The following SCN1A variants were observed in gnomAD, a reference collection of about 807,000 sequenced individuals.
SCN1A encodes sodium channel protein type 1 subunit alpha.
Under a neutral mutation model 193.7 loss-of-function variants are expected in SCN1A, and 13 were observed. That is an observed-to-expected ratio of 0.07 (90% CI 0.04 to 0.11). The LOEUF (loss-of-function observed/expected upper bound fraction) is 0.11. Among genes scored for constraint, SCN1A ranks in the 10% least tolerant of loss-of-function variants. SCN1A has a pLI of 1.00. For synonymous variants in SCN1A, 781 were observed against 843.6 expected, an observed-to-expected ratio of 0.93 and a Z score of 1.29; for missense variants, 1,432 against 2,451.1, an observed-to-expected ratio of 0.58 and a Z score of 8.78.
At chr2:166,108,798 G>A (rs541661516) in intron 2 of SCN1A, among the ~76,000 whole-genome samples, 37 of 152,232 alleles carry the variant, frequency 2.4e-4, no homozygotes, top group African/African-American at 8.4e-4. Context: ...CTAGGACTGG[G>A]AGTGGGAATA....
intron 2 of SCN1A, among the ~76,000 whole-genome samples, chr2:166,125,429 G>T (rs1013020808): frequency 2.0e-5 from 3 of 152,178 alleles, no homozygotes; most frequent in Non-Finnish European, 4.4e-5. Context: ...GGATGCTTTT[G>T]TGTGTCACTG....
At chr2:166,005,631 ATGTAT>A (rs1691552403) in intron 23 of SCN1A, among the ~76,000 whole-genome samples, 1 of 151,406 alleles carries the variant, frequency 6.6e-6, no homozygotes, top group African/African-American at 2.4e-5. Context: ...CATATTTATG[ATGTAT>A]TAAATTAGAC....
At chr2:166,062,095 C>T (rs1221443695) in intron 4 of SCN1A, among the ~76,000 whole-genome samples, 1 of 152,122 alleles carries the variant, frequency 6.6e-6, no homozygotes, top group Non-Finnish European at 1.5e-5. Flanking sequence ...TTGTGCAAGA[C>T]ATCCTTGCTA....
chr2:166,026,833 A>G (rs1453795497), intron 19 of SCN1A, among the ~76,000 whole-genome samples: 6 of 151,326 alleles, frequency 4.0e-5, no homozygotes, highest in Non-Finnish European at 8.8e-5. Flanking sequence ...ACAGGTGCCC[A>G]CCACTGCACC....
Position 165,991,978 on chromosome 2 carries a change from A to G in SCN1A, c.5297T>C (p.Phe1766Ser). 1 of 1,613,930 alleles carries G rather than the reference A, an allele frequency of 6.2e-7. No individual in the cohort carries two copies. Among genetic ancestry groups the G allele is most frequent in the Non-Finnish European group, 8.5e-7 (1 of 1,179,930 alleles). Residue 1766 changes from phenylalanine (F) to serine (S), a missense_variant, in exon 29 of 29, where the codon TTT (phenylalanine) becomes TCT (serine). Phe to Ser is a radical substitution (Grantham distance 155). Around this residue, in one of 18 missense-constraint regions of SCN1A, gnomAD observed 6 missense variants for 48.3 expected, o/e 0.12. Transcript: ENST00000674923. ...CGNPSVGIFFFVSYIIISFLV... is the reference protein window; with the variant it reads ...CGNPSVGIFFSVSYIIISFLV... ...GAAGGATATGATGATGTAACTGACA[A>G]AAAAGAAAATTCCAACAGATGGGTT...
chr2:166,139,262 G>A (rs1691985440), intron 1 of SCN1A, among the ~76,000 whole-genome samples: 1 of 152,172 alleles, frequency 6.6e-6, no homozygotes, highest in African/African-American at 2.4e-5. Context: ...AGATTTGGGA[G>A]GGGCCAGGAG....
At chr2:166,093,730 A>G (rs1687076846) in intron 2 of SCN1A, among the ~76,000 whole-genome samples, 1 of 152,242 alleles carries the variant, frequency 6.6e-6, no homozygotes, top group Non-Finnish European at 1.5e-5. Context: ...ACAAAAGCAC[A>G]ATGTAAAAAC....
chr2:166,029,862 C>A (rs922247287), intron 19 of SCN1A, among the ~76,000 whole-genome samples: 1 of 152,114 alleles, frequency 6.6e-6, no homozygotes, highest in Non-Finnish European at 1.5e-5. Context: ...ACAACTATCA[C>A]ACTCTGGGAG....
rs139750882 is a variant in SCN1A at position 166,096,400 on chromosome 2, G to A, written c.-141-18599C>T. On this transcript the variant is annotated intron_variant, in intron 2 of 28. Coordinates refer to ENST00000674923, the MANE Select transcript of SCN1A (RefSeq NM_001165963.4). The stretch of plus-strand genomic sequence containing the variant: ...CTGGTTCAAACAATTCTCTGCTTCA[G>A]CTTCCCGAGTAGCTGGGATTACAGG... Among the ~76,000 whole-genome samples the A allele has an allele frequency of 6.9e-3, 1,044 of 152,160 alleles. 9 individuals are homozygous for A. The highest frequency in any genetic ancestry group is 0.024 in the African/African-American group (992 of 41,492).
chr2:166,063,543 G>T (rs1292087795), intron 4 of SCN1A, among the ~76,000 whole-genome samples: 2 of 151,974 alleles, frequency 1.3e-5, no homozygotes, highest in East Asian at 3.9e-4. Flanking sequence ...AAGATACATA[G>T]GTTATGACAC....
At position 166,046,921 on chromosome 2, in the gene SCN1A, A is replaced by G; in HGVS notation, c.1226T>C (p.Leu409Ser). 1.2e-6 allele frequency: 2 copies of G among 1,614,018 alleles called. No individual in the cohort carries two copies. The highest frequency in any genetic ancestry group is 1.7e-6 in the Non-Finnish European group (2 of 1,179,896). The change falls in exon 12 of 29, where the codon TTG becomes TCG. Residue 409 changes from leucine (L) to serine (S), a missense_variant. Coordinates refer to ENST00000674923, the MANE Select transcript of SCN1A (RefSeq NM_001165963.4). Reference sequence around the variant, plus strand: ...CAAATTTATTAGGTAGAATGAGCCCAAGAAAATGACCAATACAAAAAATAT... The same window carrying G: ...CAAATTTATTAGGTAGAATGAGCCCGAGAAAATGACCAATACAAAAAATAT... ...YMIFFVLVIF[L>S]GSFYLINLIL...
At chr2:166,128,785 C>T (rs893613996), upstream of SCN1A, among the ~76,000 whole-genome samples, 1 of 152,040 alleles carries the variant, frequency 6.6e-6, no homozygotes, top group African/African-American at 2.4e-5. Context: ...AAAGAGAGTC[C>T]AATTGCCTAT....
At chr2:166,084,699 T>G (rs1211837430) in intron 2 of SCN1A, among the ~76,000 whole-genome samples, 1 of 152,164 alleles carries the variant, frequency 6.6e-6, no homozygotes, top group East Asian at 1.9e-4. Context: ...GGTAAAATAA[T>G]GCAGTGTTTT....
intron 4 of SCN1A, among the ~76,000 whole-genome samples, chr2:166,065,439 T>A (rs1390872237): frequency 6.6e-6 from 1 of 152,110 alleles, no homozygotes; most frequent in Admixed American, 6.6e-5. Context: ...TATATAATAT[T>A]TTTTCCCCAA....
rs16851332 is a variant in SCN1A at position 165,988,793 on chromosome 2, G to A, written c.*2452C>T. The A allele has an allele frequency of 0.14, 20,834 of 151,970 alleles. 1,816 individuals carry two copies. The highest frequency in any genetic ancestry group is 0.33 in the East Asian group (1,709 of 5,124). The allele number at this position is 151,970 out of a possible 1,614,324, so 9.4% of individuals were successfully genotyped here. A position where few individuals can be genotyped will look rare whatever the true frequency, so the allele number is the denominator to read the frequency against. ...GCAAACACAGTATCCTACACACATG[G>A]CAATTCTAAATTTTTAAATGATGAT... On this transcript the variant is annotated 3_prime_UTR_variant, in exon 29 of 29. Coordinates refer to ENST00000674923, the MANE Select transcript of SCN1A (RefSeq NM_001165963.4).
At position 166,124,239 on chromosome 2, in the gene SCN1A, C is replaced by CT. The variant is rs199847499; in HGVS notation, c.-142+2684dup. ...TTCTATCTTCTATTGTACAGGAGAG[C>CT]TTTTTTTTTTTTAATTTTTTAACAA... On this transcript the variant is annotated intron_variant, in intron 2 of 28. Coordinates refer to ENST00000674923, the MANE Select transcript of SCN1A (RefSeq NM_001165963.4). Among the ~76,000 whole-genome samples the CT allele has an allele frequency of 7.2e-3, 1,037 of 144,638 alleles. 6 individuals carry two copies. Among genetic ancestry groups the CT allele is most frequent in the African/African-American group, 0.022 (875 of 39,634 alleles). 94.9% of individuals were successfully genotyped at this position (144,638 alleles called of 152,430 possible). A position where few individuals can be genotyped will look rare whatever the true frequency, so the allele number is the denominator to read the frequency against.
chr2:166,071,382 G>A (rs958599959), intron 4 of SCN1A, among the ~76,000 whole-genome samples: 6 of 152,030 alleles, frequency 3.9e-5, no homozygotes, highest in Non-Finnish European at 8.8e-5. Context: ...TGACAATATG[G>A]TGTTCAAAAG....
At position 165,990,029 on chromosome 2, in the gene SCN1A, A is replaced by T. The variant is rs536992862; in HGVS notation, c.*1216T>A. 1.3e-5 allele frequency: 2 copies of T among 152,734 alleles called. No homozygotes were observed. The highest frequency in any genetic ancestry group is 4.1e-4 in the South Asian group (2 of 4,834). The allele number at this position is 152,734 out of a possible 1,614,324, so 9.5% of individuals were successfully genotyped here. The stretch of plus-strand genomic sequence containing the variant: ...CAATTTCCTTGACTTTACCACTGAC[A>T]TATGGTTTCTCATAAATGAGATTCT... On this transcript the variant is annotated 3_prime_UTR_variant, in exon 29 of 29. Transcript: ENST00000674923.
At chr2:166,038,930 G>A (rs928341522) in intron 17 of SCN1A, among the ~76,000 whole-genome samples, 47 of 152,238 alleles carry the variant, frequency 3.1e-4, no homozygotes, top group African/African-American at 1.0e-3. Context: ...GACTTGTAAG[G>A]ATATATGTGT....
Sources: gnomAD v4.1 joint callset for allele counts (sites outside exome capture counted in the v4.1 genomes callset) on GRCh38, gnomAD v4.1.1 for gene constraint, gnomAD v4.1.1 regional missense constraint, MANE v1.5 for transcripts, NCBI Gene and HGNC (gene_info 2026-07-23, HGNC 2026-07-21) for gene names.